The following PFKFB3 variants were observed in gnomAD, a reference collection of about 807,000 sequenced individuals.
PFKFB3 encodes 6-phosphofructo-2-kinase/fructose-2,6-bisphosphatase 3.
A neutral mutation model predicts 68.0 loss-of-function variants in PFKFB3; 33 were observed. The ratio of observed to expected loss-of-function variants is 0.49; its 90% CI spans 0.37 to 0.65. The LOEUF is 0.65. Among genes scored for constraint, PFKFB3 ranks in the 30% least tolerant of loss-of-function variants. PFKFB3 has a pLI of 0.00. For synonymous variants in PFKFB3, 315 were observed against 288.2 expected (o/e 1.09, Z -0.94); for missense variants, 586 against 712.2 (o/e 0.82, Z 2.02).
At chr10:6,274,909 G>C in the PFKFB3 span, among the ~76,000 whole-genome samples, 5 of 151,900 alleles carry the variant, frequency 3.3e-5, no homozygotes, top group Non-Finnish European at 5.9e-5. Flanking sequence ...ACTGGTGACC[G>C]ACACAGAGGC....
intron 14 of PFKFB3, among the ~76,000 whole-genome samples, chr10:6,253,666 G>T (rs369993809): frequency 2.0e-5 from 3 of 152,108 alleles, no homozygotes; most frequent in African/African-American, 7.2e-5. Context: ...AAAAGATGCG[G>T]TCATATCCTG....
chr10:6,220,966 C>CTGCTTGGTG lies in PFKFB3; in HGVS notation c.831+108_831+116dup. ...TGTGCTGCTGCTGCTGCTGCTGCTG[C>CTGCTTGGTG]TGCTTGGTGTGCTTGCTGTGTGTGT... On this transcript the variant is annotated intron_variant, in intron 8 of 14. Transcript: ENST00000379775. This position sits in a 1 kb window ranked among gnomAD's most constrained non-coding sequence, Gnocchi z 4.1. The CTGCTTGGTG allele has an allele frequency of 8.4e-7, 1 of 1,187,294 alleles. No homozygotes were observed. Among genetic ancestry groups the CTGCTTGGTG allele is most frequent in the South Asian group, 1.2e-5 (1 of 81,700 alleles). 73.5% of individuals were successfully genotyped at this position (1,187,294 alleles called of 1,614,324 possible).
chr10:6,280,284 A>G, the PFKFB3 span, among the ~76,000 whole-genome samples: 2 of 152,224 alleles, frequency 1.3e-5, no homozygotes, highest in African/African-American at 4.8e-5. Flanking sequence ...TTATTTGGAT[A>G]TGTAGACCAT....
At chr10:6,150,374 C>T (rs899709855) in intron 1 of PFKFB3, among the ~76,000 whole-genome samples, 5 of 152,150 alleles carry the variant, frequency 3.3e-5, no homozygotes, top group Non-Finnish European at 5.9e-5. Context: ...TAACCCAGCA[C>T]GTTGGACGGC....
rs537711019 is a variant in PFKFB3 at position 6,229,043 on chromosome 10, C to T, written c.1515+2678C>T. The T allele has an allele frequency of 4.3e-5, 21 of 489,092 alleles. No homozygotes were observed. Among genetic ancestry groups the T allele is most frequent in the African/African-American group, 2.2e-4 (11 of 51,012 alleles). The allele number at this position is 489,092 out of a possible 1,614,324, so 30.3% of individuals were successfully genotyped here. ...ACATGAAGTGTCATCCCCTTGCCCC[C>T]CCAAAAACACACCCGCCCCTTTATT... On this transcript the variant is annotated intron_variant, in intron 14 of 14. Coordinates refer to ENST00000379775, the MANE Select transcript of PFKFB3 (RefSeq NM_004566.4). The surrounding 1 kb of genome is among the most constrained non-coding windows in gnomAD (Gnocchi z 4.3).
At chr10:6,146,554 C>T (rs1361513802) in intron 1 of PFKFB3, 48 of 1,464,918 alleles carry the variant, frequency 3.3e-5, no homozygotes, top group Non-Finnish European at 4.3e-5. Context: ...AGTGTCCCTC[C>T]CCCCCTACTC....
rs77754765 is a variant in PFKFB3 at position 6,220,556 on chromosome 10, C to A, written c.624-102C>A. The A allele has an allele frequency of 2.6e-5, 28 of 1,066,694 alleles. No individual in the cohort carries two copies. In the African/African-American group the frequency reaches 4.3e-4, roughly 16 times the overall value. The allele number at this position is 1,066,694 out of a possible 1,614,324, so 66.1% of individuals were successfully genotyped here. ...TGTGCCCTGGAGGGGCCTACGGTCC[C>A]GCCTTGCTGTTCTCTGGGGATCACA... On this transcript the variant is annotated intron_variant, in intron 7 of 14. Coordinates refer to ENST00000379775, the MANE Select transcript of PFKFB3 (RefSeq NM_004566.4). The surrounding 1 kb of genome is among the most constrained non-coding windows in gnomAD (Gnocchi z 4.1).
chr10:6,178,375 C>T (rs1207896107), intron 1 of PFKFB3, among the ~76,000 whole-genome samples: 1 of 152,192 alleles, frequency 6.6e-6, no homozygotes, highest in Middle Eastern at 3.2e-3. Context: ...TGGGGAGACA[C>T]AACCAGCAAC....
downstream of PFKFB3, among the ~76,000 whole-genome samples, chr10:6,236,019 G>C (rs141121570): frequency 6.6e-6 from 1 of 151,982 alleles, no homozygotes; most frequent in African/African-American, 2.4e-5. Flanking sequence ...TGCCTGCGTC[G>C]GCTTCCCAAA....
chr10:6,158,281 C>T (rs1021600201), intron 1 of PFKFB3, among the ~76,000 whole-genome samples: 1 of 151,586 alleles, frequency 6.6e-6, no homozygotes, highest in African/African-American at 2.4e-5. Context: ...CAGAGCAAGA[C>T]TCCATCTTAA....
chr10:6,166,550 T>G (rs1842145002), intron 1 of PFKFB3, among the ~76,000 whole-genome samples: 1 of 152,200 alleles, frequency 6.6e-6, no homozygotes, highest in South Asian at 2.1e-4. Flanking sequence ...TGCCCAGCCC[T>G]GTTGAGCTTT....
At chr10:6,165,774 G>T (rs928251940) in intron 1 of PFKFB3, among the ~76,000 whole-genome samples, 1 of 151,872 alleles carries the variant, frequency 6.6e-6, no homozygotes, top group South Asian at 2.1e-4. Context: ...CATCACCTAG[G>T]TATAAGCCTA....
At position 6,156,129 on chromosome 10, in the gene PFKFB3, A is replaced by ATGTGTGTGTGTGTGTGTG. The variant is rs112267780; in HGVS notation, c.16+11134_16+11151dup. Among the ~76,000 whole-genome samples, 319 of 96,966 alleles carry ATGTGTGTGTGTGTGTGTG rather than the reference A, an allele frequency of 3.3e-3. 1 individual carries two copies. The highest frequency in any genetic ancestry group is 8.6e-3 in the East Asian group (35 of 4,074). 63.6% of individuals were successfully genotyped at this position (96,966 alleles called of 152,430 possible). On this transcript the variant is annotated intron_variant, in intron 1 of 14. Transcript: ENST00000379789. ...AGATATTATATATATGTACATATATATGTGTGTGTGTGTGTGTGTGTGTGT... is the reference window on the plus strand; with the variant it reads ...AGATATTATATATATGTACATATATATGTGTGTGTGTGTGTGTGTGTGTGTGTGTGTGTGTGTGTGTGT...
chr10:6,177,427 T>C (rs1319994378), intron 1 of PFKFB3, among the ~76,000 whole-genome samples: 11 of 127,198 alleles, frequency 8.6e-5, no homozygotes, highest in Admixed American at 3.5e-4. Context: ...CTTTCTTCCT[T>C]TCTTTTCTTT....
chr10:6,233,289 G>C lies in PFKFB3; in HGVS notation c.*347G>C, dbSNP rs1845856840. 4.3e-6 allele frequency: 1 copy of C among 234,842 alleles called. No homozygotes were observed. Among genetic ancestry groups the C allele is most frequent in the Non-Finnish European group, 8.2e-6 (1 of 121,716 alleles). 14.5% of individuals were successfully genotyped at this position (234,842 alleles called of 1,614,324 possible). ...GCCGCTGGGGACACTGTGCTGTTTT[G>C]TTTCGTTTCTGTGATCTCCCGGCAC... On this transcript the variant is annotated 3_prime_UTR_variant, in exon 15 of 15. Transcript: ENST00000379775.
chr10:6,147,027 C>T (rs1424913393), intron 1 of PFKFB3, among the ~76,000 whole-genome samples: 18 of 152,322 alleles, frequency 1.2e-4, no homozygotes, highest in South Asian at 8.3e-4. Flanking sequence ...GAGGCTTTAT[C>T]GAGGCAGAGC....
chr10:6,312,161 C>T, the PFKFB3 span, among the ~76,000 whole-genome samples: 3 of 152,132 alleles, frequency 2.0e-5, no homozygotes, highest in Admixed American at 1.3e-4. Flanking sequence ...TGTCTGTCGT[C>T]ATCTCTTGGA....
chr10:6,271,459 G>T, the PFKFB3 span, among the ~76,000 whole-genome samples: 1 of 152,320 alleles, frequency 6.6e-6, no homozygotes, highest in South Asian at 2.1e-4. Context: ...TGAAGAGCCT[G>T]GTAGCAGTGC....
At chr10:6,242,500 T>C (rs1450379181) in intron 14 of PFKFB3, among the ~76,000 whole-genome samples, 1 of 152,236 alleles carries the variant, frequency 6.6e-6, no homozygotes, top group African/African-American at 2.4e-5. Flanking sequence ...CTCATGCGCC[T>C]TAACTATTAT....
Sources: gnomAD v4.1 joint callset for allele counts (sites outside exome capture counted in the v4.1 genomes callset) on GRCh38, gnomAD v4.1.1 for gene constraint, Gnocchi (gnomAD v3.1) non-coding constraint, MANE v1.5 for transcripts, NCBI Gene and HGNC (gene_info 2026-07-23, HGNC 2026-07-21) for gene names.